Variants in RAPGEF6 observed in about 807,000 individuals in gnomAD.
RAPGEF6 encodes Rap guanine nucleotide exchange factor 6.
A neutral mutation model predicts 171.4 loss-of-function variants in RAPGEF6; 56 were observed. That is an observed-to-expected ratio of 0.33 (90% CI 0.26 to 0.41). The LOEUF is 0.41. RAPGEF6 is among the 10% of genes least tolerant of loss of function. RAPGEF6 has a pLI of 1.00. For synonymous variants in RAPGEF6, 692 were observed against 650.1 expected (o/e 1.06, Z -0.98); for missense variants, 1,674 against 1,921.4 (o/e 0.87, Z 2.41).
intron 7 of RAPGEF6, among the ~76,000 whole-genome samples, chr5:131,520,316 T>C (rs1758392630): frequency 6.6e-6 from 1 of 152,240 alleles, no homozygotes; most frequent in African/African-American, 2.4e-5. Context: ...AGATGTGCTG[T>C]AACTTTAAAT....
At chr5:131,522,768 CCA>C (rs1758587136) in intron 6 of RAPGEF6, among the ~76,000 whole-genome samples, 1 of 152,136 alleles carries the variant, frequency 6.6e-6, no homozygotes, top group Non-Finnish European at 1.5e-5. Flanking sequence ...CCTGTGACAG[CCA>C]CTGGCTAAAG....
intron 14 of RAPGEF6, among the ~76,000 whole-genome samples, chr5:131,491,686 A>T (rs778169825): frequency 1.3e-5 from 2 of 152,148 alleles, no homozygotes; most frequent in Non-Finnish European, 2.9e-5. Context: ...AACCCTGTTG[A>T]GAACTGCAAA....
At chr5:131,554,869 A>G (rs866016303) in intron 5 of RAPGEF6, among the ~76,000 whole-genome samples, 4 of 152,048 alleles carry the variant, frequency 2.6e-5, no homozygotes, top group African/African-American at 9.7e-5. Context: ...GAGACCAAAC[A>G]CCATTTCTAC....
At position 131,426,747 on chromosome 5, in the gene RAPGEF6, C is replaced by A. The variant is rs1751414756; in HGVS notation, c.*519G>T. On this transcript the variant is annotated 3_prime_UTR_variant, in exon 28 of 28. Coordinates refer to ENST00000509018, the MANE Select transcript of RAPGEF6 (RefSeq NM_016340.6). ...GACTTCTGTTTGGTCAGACCAGAGA[C>A]AATTTTATGACCTCAAACATGAATA... The A allele has an allele frequency of 1.2e-5, 2 of 170,474 alleles. No individual in the cohort carries two copies. Among genetic ancestry groups the A allele is most frequent in the Non-Finnish European group, 2.5e-5 (2 of 80,772 alleles). 10.6% of individuals were successfully genotyped at this position (170,474 alleles called of 1,614,324 possible). A position where few individuals can be genotyped will look rare whatever the true frequency, so the allele number is the denominator to read the frequency against.
chr5:131,587,929 A>G (rs899031958), intron 4 of RAPGEF6, among the ~76,000 whole-genome samples: 4 of 152,034 alleles, frequency 2.6e-5, no homozygotes, highest in African/African-American at 9.7e-5. Context: ...CAGTCTGTTT[A>G]GAGTAAAGAT....
intron 7 of RAPGEF6, among the ~76,000 whole-genome samples, chr5:131,516,083 T>G (rs1580951601): frequency 1.0e-4 from 1 of 9,708 alleles, no homozygotes. Context: ...TTTTTTTTTT[T>G]TTTTTTTTTT....
intron 17 of RAPGEF6, among the ~76,000 whole-genome samples, chr5:131,470,269 A>G (rs1380545422): frequency 1.3e-5 from 2 of 152,238 alleles, no homozygotes; most frequent in African/African-American, 2.4e-5. Flanking sequence ...TTAAAAAGGC[A>G]TCTTTATCTT....
At chr5:131,455,733 C>G in intron 20 of RAPGEF6, 68 bp downstream of exon 20, 1 of 1,398,776 alleles carries the variant, frequency 7.1e-7, no homozygotes, top group African/African-American at 1.4e-5. Flanking sequence ...ATACCATACA[C>G]AAAAATCAAT....
chr5:131,623,283 C>T (rs28562209), intron 1 of RAPGEF6, among the ~76,000 whole-genome samples: 1,596 of 152,262 alleles, frequency 0.01, 20 homozygotes, highest in African/African-American at 0.036. Context: ...AAGTTTCCTC[C>T]ATCTGAATTG....
rs1752690477 is a variant in RAPGEF6, at chr5:131,446,368, A to T, written c.3421+115T>A. The T allele has an allele frequency of 1.3e-5, 13 of 974,092 alleles. No individual in the cohort carries two copies. The South Asian group carries it at 2.0e-4, about 15-fold the overall frequency. The allele number at this position is 974,092 out of a possible 1,614,324, so 60.3% of individuals were successfully genotyped here. ...GATCACATGATGCTTAAGGTATGCCAGCAATCTTTTGTGAGTGAAAGTTAA... is the reference window on the plus strand; with the variant it reads ...GATCACATGATGCTTAAGGTATGCCTGCAATCTTTTGTGAGTGAAAGTTAA... On this transcript the variant is annotated intron_variant, in intron 22 of 27. Transcript: ENST00000509018.
chr5:131,511,481 C>CTTTT lies in RAPGEF6; in HGVS notation c.628-994_628-991dup, dbSNP rs55782171. Among the ~76,000 whole-genome samples the CTTTT allele has an allele frequency of 3.6e-4, 49 of 137,320 alleles. 3 individuals are homozygous for CTTTT. The highest frequency in any genetic ancestry group is 4.0e-4 in the Non-Finnish European group (26 of 65,396). The allele number at this position is 137,320 out of a possible 152,430, so 90.1% of individuals were successfully genotyped here. A position where few individuals can be genotyped will look rare whatever the true frequency, so the allele number is the denominator to read the frequency against. On this transcript the variant is annotated intron_variant, in intron 7 of 27. Transcript: ENST00000509018. ...CCTTTTTTACTGCCAAAAAGATCAT[C>CTTTT]TTTTTTTTTTTTTTTTCTTTTTTTT...
chr5:131,627,042 GA>G (rs1169407990), intron 1 of RAPGEF6, among the ~76,000 whole-genome samples: 2 of 152,168 alleles, frequency 1.3e-5, no homozygotes, highest in African/African-American at 2.4e-5. Context: ...GACTGAATTA[GA>G]GTAGTAAAAC....
In RAPGEF6 at chr5:131,563,120, T is replaced by C. The variant is rs576956458; in HGVS notation, c.282-1073A>G. Among the ~76,000 whole-genome samples, 153 of 151,742 alleles carry C rather than the reference T, an allele frequency of 1.0e-3. 1 individual carries two copies. Among genetic ancestry groups the C allele is most frequent in the African/African-American group, 3.5e-3 (146 of 41,378 alleles). On this transcript the variant is annotated intron_variant, in intron 4 of 27. Transcript: ENST00000509018. ...AGACACAAATGACTTACATATGAAA[T>C]ATACAGAGCTCACTCAAAATAATGA...
At chr5:131,483,838 C>G (rs911330625) in intron 15 of RAPGEF6, among the ~76,000 whole-genome samples, 10 of 152,018 alleles carry the variant, frequency 6.6e-5, no homozygotes, top group African/African-American at 2.4e-4. Flanking sequence ...TGGTGGCTCA[C>G]ACCTGTAATC....
At chr5:131,605,758 C>T (rs1580664140) in intron 1 of RAPGEF6, among the ~76,000 whole-genome samples, 4 of 152,136 alleles carry the variant, frequency 2.6e-5, no homozygotes, top group South Asian at 4.2e-4. Flanking sequence ...AGGCTGGTCA[C>T]GGTGGCTCAC....
At chr5:131,592,580 C>T in intron 3 of RAPGEF6, 114 bp from the exon 4 acceptor site, 1 of 1,453,804 alleles carries the variant, frequency 6.9e-7, no homozygotes, top group East Asian at 2.6e-5. Flanking sequence ...AATGAAGTAA[C>T]ACTACCTGGA....
At chr5:131,583,136 C>T (rs1763062646) in intron 4 of RAPGEF6, among the ~76,000 whole-genome samples, 1 of 152,094 alleles carries the variant, frequency 6.6e-6, no homozygotes. Flanking sequence ...AGTGGAACAT[C>T]CATATAAACT....
At chr5:131,606,536 C>T (rs1430341967) in intron 1 of RAPGEF6, among the ~76,000 whole-genome samples, 1 of 152,114 alleles carries the variant, frequency 6.6e-6, no homozygotes. Context: ...AAAGAAAGGT[C>T]TACCAAATTT....
At chr5:131,439,855 C>T (rs1415046824) in intron 23 of RAPGEF6, 140 bp from the exon 24 acceptor site, 2 of 1,375,756 alleles carry the variant, frequency 1.5e-6, no homozygotes, top group Non-Finnish European at 1.9e-6. Flanking sequence ...CAAACAGGGA[C>T]TAAATGACTG....
Sources: allele counts gnomAD v4.1 joint callset (sites outside exome capture counted in the v4.1 genomes callset), GRCh38; gene constraint gnomAD v4.1.1; transcripts MANE v1.5; gene names NCBI Gene and HGNC (gene_info 2026-07-23, HGNC 2026-07-21).